PRKCB: variants seen among roughly 807,000 people sequenced by gnomAD.
PRKCB encodes the protein protein kinase C beta type.
In PRKCB, 13 loss-of-function variants were observed where a neutral mutation model predicts 81.5. That is an observed-to-expected ratio of 0.16 (90% CI 0.10 to 0.25). The LOEUF (loss-of-function observed/expected upper bound fraction) is 0.25, where lower values mean the gene tolerates loss of function less well. Ranked by LOEUF, PRKCB falls within the 10% of genes least tolerant of loss-of-function variation. The pLI is 1.00. For missense variants in PRKCB, 509 were observed against 875.7 expected, an observed-to-expected ratio of 0.58 and a Z score of 5.29; for synonymous variants, 335 against 321.4, an observed-to-expected ratio of 1.04 and a Z score of -0.45.
chr16:23,886,028 T>C (rs1963193198), intron 2 of PRKCB, among the ~76,000 whole-genome samples: 1 of 152,376 alleles, frequency 6.6e-6, no homozygotes. Context: ...TATTTTCTCT[T>C]TGAATCCTCA....
chr16:24,167,885 C>A (rs1338027315), intron 10 of PRKCB, among the ~76,000 whole-genome samples: 1 of 152,218 alleles, frequency 6.6e-6, no homozygotes, highest in Admixed American at 6.5e-5. Context: ...CAACTTTCTC[C>A]TCTTTAGAAG....
At chr16:24,051,879 T>G (rs1466685709) in intron 5 of PRKCB, among the ~76,000 whole-genome samples, 2 of 151,976 alleles carry the variant, frequency 1.3e-5, no homozygotes, top group Non-Finnish European at 2.9e-5. Context: ...CTGAGGCAGG[T>G]GGCGAGTGAA....
At chr16:23,936,194 G>GTT (rs372807417) in intron 2 of PRKCB, among the ~76,000 whole-genome samples, 10 of 142,454 alleles carry the variant, frequency 7.0e-5, no homozygotes, top group African/African-American at 2.6e-4. Flanking sequence ...TCTCCACCTT[G>GTT]TTTTTTTTTT....
At chr16:24,125,397 G>A (rs1306666243) in intron 9 of PRKCB, among the ~76,000 whole-genome samples, 1 of 152,026 alleles carries the variant, frequency 6.6e-6, no homozygotes. Context: ...TCAGCTCTTG[G>A]GTCACTGAAA....
chr16:24,007,415 T>A (rs1965140355), intron 3 of PRKCB, among the ~76,000 whole-genome samples: 1 of 152,234 alleles, frequency 6.6e-6, no homozygotes, highest in African/African-American at 2.4e-5. Flanking sequence ...GAGGGGCTGA[T>A]AAAATGATGG....
chr16:24,031,780 G>A (rs192823226), intron 3 of PRKCB, among the ~76,000 whole-genome samples: 45 of 152,290 alleles, frequency 3.0e-4, no homozygotes, highest in Non-Finnish European at 5.6e-4. Flanking sequence ...AAAGTCAGGA[G>A]CCCTGTTTAG....
intron 9 of PRKCB, among the ~76,000 whole-genome samples, chr16:24,148,940 A>G (rs1352983817): frequency 2.6e-5 from 4 of 152,216 alleles, no homozygotes; most frequent in Non-Finnish European, 5.9e-5. Context: ...AGTCATTCCA[A>G]AACATAGAAG....
intron 5 of PRKCB, among the ~76,000 whole-genome samples, chr16:24,038,513 T>C (rs1355866481): frequency 6.6e-6 from 1 of 152,272 alleles, no homozygotes; most frequent in African/African-American, 2.4e-5. Context: ...CAATGTCACA[T>C]GCTGAGCAGG....
chr16:24,172,431 T>TC (rs2141966203), intron 11 of PRKCB, 70 bp downstream of exon 11: 1 of 1,364,060 alleles, frequency 7.3e-7, no homozygotes, highest in East Asian at 2.4e-5. Flanking sequence ...TTTGAGGGTG[T>TC]TTTTTTGCCA....
intron 9 of PRKCB, among the ~76,000 whole-genome samples, chr16:24,150,180 A>C (rs1465836193): frequency 3.9e-5 from 6 of 152,094 alleles, no homozygotes; most frequent in Non-Finnish European, 8.8e-5. Context: ...AAAATACAAA[A>C]ATTAACCAGG....
At chr16:23,927,232 T>C (rs1963910061) in intron 2 of PRKCB, among the ~76,000 whole-genome samples, 1 of 151,732 alleles carries the variant, frequency 6.6e-6, no homozygotes, top group Non-Finnish European at 1.5e-5. Flanking sequence ...TTTAACTAAG[T>C]AAAGGAGGAT....
chr16:24,173,737 AATAAGAGGTT>A (rs1967483853), intron 11 of PRKCB, among the ~76,000 whole-genome samples: 1 of 152,186 alleles, frequency 6.6e-6, no homozygotes, highest in Non-Finnish European at 1.5e-5. Flanking sequence ...GCTGACCTTC[AATAAGAGGTT>A]ACACTTTAGA....
Position 23,836,167 on chromosome 16 carries a change from G to A in PRKCB, c.-9G>A, listed in dbSNP as rs374642745. 1.3e-5 allele frequency: 20 copies of A among 1,522,668 alleles called. No individual in the cohort carries two copies. Among genetic ancestry groups the A allele is most frequent in the Admixed American group, 2.2e-5 (1 of 44,714 alleles). 94.3% of individuals were successfully genotyped at this position (1,522,668 alleles called of 1,614,324 possible). A position where few individuals can be genotyped will look rare whatever the true frequency, so the allele number is the denominator to read the frequency against. Reference sequence around the variant, plus strand: ...GGCACCTCTCGGGCTCCGGCTCCCCGCGCGCAAGATGGCTGACCCGGCTGC... The same window carrying A: ...GGCACCTCTCGGGCTCCGGCTCCCCACGCGCAAGATGGCTGACCCGGCTGC... On this transcript the variant is annotated 5_prime_UTR_variant, in exon 1 of 17. Coordinates refer to ENST00000643927, the MANE Select transcript of PRKCB (RefSeq NM_002738.7).
intron 2 of PRKCB, among the ~76,000 whole-genome samples, chr16:23,877,863 T>C (rs1430678200): frequency 1.3e-5 from 2 of 151,194 alleles, no homozygotes; most frequent in African/African-American, 4.9e-5. Context: ...AAACAGAGTC[T>C]CACTCCGTCA....
At chr16:23,840,362 C>T (rs369767805) in intron 2 of PRKCB, among the ~76,000 whole-genome samples, 3 of 152,282 alleles carry the variant, frequency 2.0e-5, no homozygotes, top group East Asian at 1.9e-4. Flanking sequence ...ACAATTATCT[C>T]ATGGTCCAAA....
intron 2 of PRKCB, among the ~76,000 whole-genome samples, chr16:23,957,333 T>C (rs1964363069): frequency 6.6e-6 from 1 of 152,204 alleles, no homozygotes; most frequent in Non-Finnish European, 1.5e-5. Flanking sequence ...AGTGCACATG[T>C]AGTAAACTAG....
chr16:24,129,632 ATATC>A (rs1248551089), intron 9 of PRKCB, among the ~76,000 whole-genome samples: 2 of 151,920 alleles, frequency 1.3e-5, no homozygotes, highest in African/African-American at 2.4e-5. Flanking sequence ...TCTATCATCT[ATATC>A]TATCATCTGT....
chr16:23,913,339 C>CA (rs1172640933), intron 2 of PRKCB, among the ~76,000 whole-genome samples: 5,124 of 143,158 alleles, frequency 0.036, 107 homozygotes, highest in Middle Eastern at 0.099. Flanking sequence ...CAAATCATGT[C>CA]AAAAAAAAAA....
intron 15 of PRKCB, among the ~76,000 whole-genome samples, chr16:24,186,753 C>T (rs1967710046): frequency 6.6e-6 from 1 of 152,366 alleles, no homozygotes; most frequent in East Asian, 1.9e-4. Context: ...CTGGGCCAGC[C>T]TCTCAGCCTA....
Sources: allele counts gnomAD v4.1 joint callset (sites outside exome capture counted in the v4.1 genomes callset), GRCh38; gene constraint gnomAD v4.1.1; transcripts MANE v1.5; gene names NCBI Gene and HGNC (gene_info 2026-07-23, HGNC 2026-07-21).